The following TMEM178B variants were observed in gnomAD, a reference collection of about 807,000 sequenced individuals.
The protein encoded by TMEM178B is transmembrane protein 178B.
Under a neutral mutation model 31.0 loss-of-function variants are expected in TMEM178B, and 5 were observed. The observed-to-expected ratio is 0.16, with a 90% CI of 0.08 to 0.34. TMEM178B has a LOEUF of 0.34. Ranked by LOEUF, TMEM178B falls within the 10% of genes least tolerant of loss-of-function variation. The probability of loss-of-function intolerance (pLI) is 1.00; values close to 1 mark genes in which losing one functional copy is unlikely to be tolerated. For synonymous variants in TMEM178B, 164 were observed against 164.0 expected (o/e 1.00, Z 0.00); for missense variants, 275 against 400.3 (o/e 0.69, Z 2.67).
At chr7:141,417,053 C>T (rs111551845) in intron 2 of TMEM178B, among the ~76,000 whole-genome samples, 2,364 of 152,324 alleles carry the variant, frequency 0.016, 69 homozygotes, top group African/African-American at 0.054. Flanking sequence ...TTCTCATCAT[C>T]TGCCTGTAAG....
chr7:141,131,274 G>GGT (rs1795590580), intron 1 of TMEM178B, among the ~76,000 whole-genome samples: 1 of 152,068 alleles, frequency 6.6e-6, no homozygotes, highest in Non-Finnish European at 1.5e-5. Flanking sequence ...GTTGTTTGCT[G>GGT]GTATTTTTGT....
intron 1 of TMEM178B, among the ~76,000 whole-genome samples, chr7:141,103,843 G>T (rs1407769151): frequency 3.3e-5 from 5 of 152,102 alleles, no homozygotes; most frequent in Non-Finnish European, 7.4e-5. Flanking sequence ...CTGTATTAGT[G>T]GTGGAATTAT....
chr7:141,139,720 A>G (rs1476902841), intron 1 of TMEM178B, among the ~76,000 whole-genome samples: 1 of 152,056 alleles, frequency 6.6e-6, no homozygotes, highest in Non-Finnish European at 1.5e-5. Flanking sequence ...AGATGGCTGT[A>G]CTGAGAAACT....
intron 2 of TMEM178B, among the ~76,000 whole-genome samples, chr7:141,336,060 T>G (rs936766107): frequency 6.6e-6 from 1 of 152,188 alleles, no homozygotes. Context: ...TCTTTTCAAC[T>G]GAGAAAGAGT....
intron 1 of TMEM178B, among the ~76,000 whole-genome samples, chr7:141,188,227 A>T (rs893382612): frequency 6.6e-6 from 1 of 152,194 alleles, no homozygotes; most frequent in Non-Finnish European, 1.5e-5. Flanking sequence ...GCCCGAACTC[A>T]TTGGATCATC....
At chr7:141,279,957 G>A (rs1798328449) in intron 2 of TMEM178B, among the ~76,000 whole-genome samples, 1 of 152,232 alleles carries the variant, frequency 6.6e-6, no homozygotes, top group African/African-American at 2.4e-5. Flanking sequence ...AGTTGCAAGT[G>A]ACAGAAACCC....
At chr7:141,090,785 C>G (rs932673723) in intron 1 of TMEM178B, among the ~76,000 whole-genome samples, 1 of 152,172 alleles carries the variant, frequency 6.6e-6, no homozygotes, top group African/African-American at 2.4e-5. Context: ...TCTTTTCTTA[C>G]AAAGACCACC....
At chr7:141,404,042 G>A (rs117012611) in intron 2 of TMEM178B, among the ~76,000 whole-genome samples, 3,293 of 152,268 alleles carry the variant, frequency 0.022, 48 homozygotes, top group Middle Eastern at 0.037. Flanking sequence ...ATGGTGGCTC[G>A]TGCCTGTAAT....
intron 2 of TMEM178B, among the ~76,000 whole-genome samples, chr7:141,383,163 TC>T (rs201966677): frequency 0.15 from 21,450 of 144,310 alleles, 1,625 homozygotes; most frequent in Non-Finnish European, 0.17. Flanking sequence ...TTTCTTTCTT[TC>T]TTTTTTTTTA....
chr7:141,177,178 T>C (rs1292827399), intron 1 of TMEM178B, among the ~76,000 whole-genome samples: 1 of 152,220 alleles, frequency 6.6e-6, no homozygotes, highest in Non-Finnish European at 1.5e-5. Flanking sequence ...TCAAACTTCA[T>C]TTCTAACTTC....
chr7:141,449,641 C>T (rs1801827340), intron 3 of TMEM178B, among the ~76,000 whole-genome samples: 2 of 152,150 alleles, frequency 1.3e-5, no homozygotes, highest in South Asian at 4.1e-4. Flanking sequence ...AATGTGCAGA[C>T]AGGAGGGAGG....
chr7:141,293,450 G>A (rs1798580710), intron 2 of TMEM178B, among the ~76,000 whole-genome samples: 1 of 152,182 alleles, frequency 6.6e-6, no homozygotes, highest in Non-Finnish European at 1.5e-5. Context: ...TGGGTAAAAA[G>A]TGACTTTTGG....
intron 2 of TMEM178B, among the ~76,000 whole-genome samples, chr7:141,285,899 A>T (rs544483930): frequency 1.6e-4 from 25 of 152,272 alleles, no homozygotes; most frequent in Middle Eastern, 3.4e-3. Flanking sequence ...CAATGAAAAC[A>T]CATGGACACA....
chr7:141,459,265 G>A (rs891549750), intron 3 of TMEM178B, among the ~76,000 whole-genome samples: 16 of 152,126 alleles, frequency 1.1e-4, no homozygotes, highest in African/African-American at 3.9e-4. Flanking sequence ...CCGACTTCAG[G>A]TGATCCACCG....
intron 2 of TMEM178B, among the ~76,000 whole-genome samples, chr7:141,238,789 G>A (rs373865661): frequency 5.3e-5 from 8 of 152,200 alleles, no homozygotes; most frequent in South Asian, 2.1e-4. Context: ...GACCAACAGC[G>A]AGAGTGCTGC....
chr7:141,489,213 T>A, the TMEM178B span, among the ~76,000 whole-genome samples: 1 of 152,188 alleles, frequency 6.6e-6, no homozygotes, highest in African/African-American at 2.4e-5. Flanking sequence ...TGCTTCAACA[T>A]CAAAATACTT....
intron 2 of TMEM178B, among the ~76,000 whole-genome samples, chr7:141,355,913 T>C (rs930511696): frequency 2.4e-4 from 37 of 152,238 alleles, no homozygotes; most frequent in African/African-American, 8.4e-4. Context: ...TTTCCATCTT[T>C]ATGTCCATGT....
rs1222433314 is a variant in TMEM178B at position 141,474,018 on chromosome 7, C to A, written c.*3232C>A. Reference sequence around the variant, plus strand: ...AACTCCAAATCAAAGTGGAACCCAACCTTATGAGGGCATTTAGGGTCAATG... The same window carrying A: ...AACTCCAAATCAAAGTGGAACCCAAACTTATGAGGGCATTTAGGGTCAATG... On this transcript the variant is annotated 3_prime_UTR_variant, in exon 4 of 4. Coordinates refer to ENST00000565468, the MANE Select transcript of TMEM178B (RefSeq NM_001195278.2). 6.6e-6 allele frequency: 1 copy of A among 152,198 alleles called. No homozygotes were observed. The highest frequency in any genetic ancestry group is 1.5e-5 in the Non-Finnish European group (1 of 68,058). 9.4% of individuals were successfully genotyped at this position (152,198 alleles called of 1,614,324 possible).
chr7:141,468,090 T>A (rs1198369982), intron 3 of TMEM178B, among the ~76,000 whole-genome samples: 1 of 152,196 alleles, frequency 6.6e-6, no homozygotes, highest in African/African-American at 2.4e-5. Context: ...TGACCATTTT[T>A]CACATGTACA....
Sources: allele counts gnomAD v4.1 joint callset (sites outside exome capture counted in the v4.1 genomes callset), GRCh38; gene constraint gnomAD v4.1.1; transcripts MANE v1.5; gene names NCBI Gene and HGNC (gene_info 2026-07-23, HGNC 2026-07-21).